The following LINGO2 variants were observed in gnomAD, a reference collection of about 807,000 sequenced individuals.
LINGO2 encodes the protein leucine-rich repeat and immunoglobulin-like domain-containing nogo receptor-interacting protein 2.
A neutral mutation model predicts 30.6 loss-of-function variants in LINGO2; 14 were observed. The observed-to-expected ratio is 0.46, with a 90% CI of 0.30 to 0.72. The LOEUF (loss-of-function observed/expected upper bound fraction) is 0.72. Among genes scored for constraint, LINGO2 ranks in the 30% least tolerant of loss-of-function variants. The pLI, the probability that LINGO2 is intolerant of heterozygous loss-of-function variation, is 0.07. For synonymous variants in LINGO2, 317 were observed against 288.5 expected (o/e 1.10, Z -1.00); for missense variants, 729 against 751.7 (o/e 0.97, Z 0.35).
chr9:28,733,626 G>T, the LINGO2 span, among the ~76,000 whole-genome samples: 1 of 152,072 alleles, frequency 6.6e-6, no homozygotes, highest in East Asian at 1.9e-4. Flanking sequence ...CTTTAAAATT[G>T]TGAGTGTCAC....
At chr9:28,296,452 C>T (rs66947060) in intron 3 of LINGO2, among the ~76,000 whole-genome samples, 7,846 of 152,158 alleles carry the variant, frequency 0.052, 267 homozygotes, top group East Asian at 0.19. Flanking sequence ...TGAATAACTA[C>T]GTTCTGAAGA....
intron 2 of LINGO2, among the ~76,000 whole-genome samples, chr9:28,391,112 A>G (rs1821812394): frequency 6.6e-6 from 1 of 152,188 alleles, no homozygotes; most frequent in Non-Finnish European, 1.5e-5. Context: ...ATTAGCTTAA[A>G]TCTAGTTTTA....
chr9:27,983,068 C>T (rs969798118), intron 5 of LINGO2, among the ~76,000 whole-genome samples: 1 of 151,648 alleles, frequency 6.6e-6, no homozygotes, highest in Non-Finnish European at 1.5e-5. Flanking sequence ...TTTCCTAATA[C>T]CCTTGAAACA....
At chr9:28,930,504 G>A in the LINGO2 span, among the ~76,000 whole-genome samples, 1 of 152,172 alleles carries the variant, frequency 6.6e-6, no homozygotes, top group Non-Finnish European at 1.5e-5. The surrounding 1 kb of genome is among the most constrained non-coding windows in gnomAD (Gnocchi z 4.2). Flanking sequence ...TATGTGATAA[G>A]AATTTAAACA....
At chr9:29,174,882 G>C in the LINGO2 span, among the ~76,000 whole-genome samples, 2 of 152,194 alleles carry the variant, frequency 1.3e-5, no homozygotes, top group Non-Finnish European at 2.9e-5. Context: ...ATCTAAAACA[G>C]TTCAGTGTAG....
At chr9:29,187,996 T>C in the LINGO2 span, among the ~76,000 whole-genome samples, 5 of 150,214 alleles carry the variant, frequency 3.3e-5, no homozygotes, top group African/African-American at 1.2e-4. Flanking sequence ...TATTTATGTA[T>C]TTATTTTTTG....
intron 4 of LINGO2, among the ~76,000 whole-genome samples, chr9:28,268,307 A>G (rs918239067): frequency 1.3e-5 from 2 of 152,050 alleles, no homozygotes; most frequent in African/African-American, 4.8e-5. Context: ...CTAGATTAGA[A>G]GAGTACCACA....
At chr9:29,016,690 T>C in the LINGO2 span, among the ~76,000 whole-genome samples, 1 of 152,186 alleles carries the variant, frequency 6.6e-6, no homozygotes, top group Non-Finnish European at 1.5e-5. Flanking sequence ...ACTTCATAAA[T>C]AGCCATCAAT....
At chr9:29,137,639 T>G in the LINGO2 span, among the ~76,000 whole-genome samples, 1 of 152,148 alleles carries the variant, frequency 6.6e-6, no homozygotes, top group Admixed American at 6.6e-5. Flanking sequence ...ATAAAAGACT[T>G]AAGGGCATGG....
At chr9:28,794,050 A>G in the LINGO2 span, among the ~76,000 whole-genome samples, 1 of 152,218 alleles carries the variant, frequency 6.6e-6, no homozygotes, top group Admixed American at 6.5e-5. Context: ...TCACGCCTGT[A>G]ATCCCAGCAC....
At chr9:29,111,869 G>GTGTGTATATATACATATATTTATA in the LINGO2 span, among the ~76,000 whole-genome samples, 2 of 150,154 alleles carry the variant, frequency 1.3e-5, no homozygotes, top group South Asian at 4.2e-4. Context: ...ATGTATATAT[G>GTGTGTATATATACATATATTTATA]TGTGTATATA....
At chr9:28,976,179 G>A in the LINGO2 span, among the ~76,000 whole-genome samples, 2 of 152,132 alleles carry the variant, frequency 1.3e-5, no homozygotes, top group African/African-American at 2.4e-5. Flanking sequence ...CATTATTAAA[G>A]GTCAGGGGGC....
intron 1 of LINGO2, among the ~76,000 whole-genome samples, chr9:28,607,541 G>A (rs939403873): frequency 6.6e-6 from 1 of 151,976 alleles, no homozygotes; most frequent in Admixed American, 6.6e-5. Flanking sequence ...GTATGCCATA[G>A]AACTTTCACT....
chr9:28,101,415 A>G (rs1465810095), intron 4 of LINGO2, among the ~76,000 whole-genome samples: 1 of 152,180 alleles, frequency 6.6e-6, no homozygotes, highest in African/African-American at 2.4e-5. Context: ...TATAAACATG[A>G]CTTTAAGTAG....
intron 1 of LINGO2, among the ~76,000 whole-genome samples, chr9:28,503,990 T>A (rs1819999046): frequency 6.6e-6 from 1 of 151,916 alleles, no homozygotes; most frequent in Non-Finnish European, 1.5e-5. Flanking sequence ...AGTGGATACT[T>A]CTTTAACTGC....
the LINGO2 span, among the ~76,000 whole-genome samples, chr9:28,991,241 G>C: frequency 1.3e-5 from 2 of 151,632 alleles, no homozygotes; most frequent in East Asian, 3.9e-4. Context: ...GAGCCGACGC[G>C]ATCAACTGGA....
chr9:28,669,098 T>C (rs1336977850), intron 1 of LINGO2, among the ~76,000 whole-genome samples: 1 of 152,116 alleles, frequency 6.6e-6, no homozygotes. Context: ...TATTTTAATC[T>C]ATATTTCTGC....
intron 1 of LINGO2, among the ~76,000 whole-genome samples, chr9:28,565,849 G>A (rs1301969480): frequency 6.6e-6 from 1 of 152,028 alleles, no homozygotes; most frequent in Non-Finnish European, 1.5e-5. Context: ...CCACTGTGAC[G>A]AGCCCAAAAG....
At chr9:29,024,924 T>C in the LINGO2 span, among the ~76,000 whole-genome samples, 1 of 152,076 alleles carries the variant, frequency 6.6e-6, no homozygotes, top group South Asian at 2.1e-4. Context: ...ATTAAACCTG[T>C]CTGTTTACCA....
Sources: gnomAD v4.1 joint callset for allele counts (sites outside exome capture counted in the v4.1 genomes callset) on GRCh38, gnomAD v4.1.1 for gene constraint, Gnocchi (gnomAD v3.1) non-coding constraint, MANE v1.5 for transcripts, NCBI Gene and HGNC (gene_info 2026-07-23, HGNC 2026-07-21) for gene names.